Variants in CNTRL observed in about 807,000 individuals in gnomAD.
CNTRL encodes 110 kDa centrosomal protein.
A neutral mutation model predicts 303.7 loss-of-function variants in CNTRL; 233 were observed. That is an observed-to-expected ratio of 0.77 (90% confidence interval 0.69 to 0.86). The LOEUF (loss-of-function observed/expected upper bound fraction) is 0.86, where lower values mean the gene tolerates loss of function less well. CNTRL is among the 40% of genes least tolerant of loss of function. CNTRL has a pLI of 0.00. For missense variants in CNTRL, 2,524 were observed against 2,650.6 expected, an observed-to-expected ratio of 0.95 and a Z score of 1.05; for synonymous variants, 900 against 922.2, an observed-to-expected ratio of 0.98 and a Z score of 0.44.
chr9:121,115,765 GT>G (rs1450545491), intron 11 of CNTRL, among the ~76,000 whole-genome samples: 1 of 152,168 alleles, frequency 6.6e-6, no homozygotes, highest in Non-Finnish European at 1.5e-5. Flanking sequence ...AAAGGTTTTA[GT>G]TATTTGTAAC....
At chr9:121,131,672 G>T (rs1430827552) in intron 14 of CNTRL, among the ~76,000 whole-genome samples, 1 of 152,154 alleles carries the variant, frequency 6.6e-6, no homozygotes, top group African/African-American at 2.4e-5. Context: ...TGATCCTGTT[G>T]TTATGATGCT....
intron 12 of CNTRL, among the ~76,000 whole-genome samples, chr9:121,123,580 T>C (rs10733654): frequency 0.6 from 90,655 of 152,004 alleles, 29,241 homozygotes; most frequent in South Asian, 0.89. Flanking sequence ...GCCTGGGTGA[T>C]GGAGTCAGAC....
intron 12 of CNTRL, chr9:121,121,750 G>C: frequency 1.0e-6 from 1 of 984,880 alleles, no homozygotes; most frequent in Non-Finnish European, 1.2e-6. Context: ...CTGGTGATTG[G>C]ATGGGCGGGG....
intron 39 of CNTRL, 83 bp downstream of exon 39, chr9:121,169,899 A>T: frequency 8.9e-7 from 1 of 1,123,472 alleles, no homozygotes; most frequent in Non-Finnish European, 1.3e-6. Flanking sequence ...ACACAGAGAA[A>T]ATAAATTACC....
At chr9:121,079,178 G>A (rs2048044710) in intron 1 of CNTRL, among the ~76,000 whole-genome samples, 1 of 152,124 alleles carries the variant, frequency 6.6e-6, no homozygotes. Context: ...ATTACTAAAA[G>A]ACTTTTTTCC....
At chr9:121,170,815 A>G (rs1298708403) in intron 39 of CNTRL, among the ~76,000 whole-genome samples, 1 of 152,200 alleles carries the variant, frequency 6.6e-6, no homozygotes, top group East Asian at 1.9e-4. Context: ...TTTTTGGCCA[A>G]CATTAGCTTT....
chr9:121,173,213 AATG>A (rs2053381367), intron 40 of CNTRL, 27 bp from the exon 41 acceptor site: 2 of 1,577,652 alleles, frequency 1.3e-6, no homozygotes, highest in Admixed American at 1.9e-5. Flanking sequence ...AATTTTATAC[AATG>A]ATATTTGACA....
chr9:121,108,929 C>T (rs2049612581), intron 8 of CNTRL, among the ~76,000 whole-genome samples: 2 of 152,258 alleles, frequency 1.3e-5, no homozygotes, highest in South Asian at 4.1e-4. Context: ...GCTTCTTATA[C>T]AGTATACATG....
chr9:121,094,662 A>G (rs1347987601), intron 4 of CNTRL, among the ~76,000 whole-genome samples: 1 of 152,188 alleles, frequency 6.6e-6, no homozygotes, highest in South Asian at 2.1e-4. Context: ...TTCTTAGTAT[A>G]TAGACAATGT....
At chr9:121,096,340 C>A in intron 5 of CNTRL, 82 bp from the exon 6 acceptor site, 1 of 805,884 alleles carries the variant, frequency 1.2e-6, no homozygotes, top group Non-Finnish European at 1.7e-6. Flanking sequence ...TAACATGGAG[C>A]TAAAGCTGTT....
At chr9:121,087,168 G>T (rs1486415855) in intron 2 of CNTRL, among the ~76,000 whole-genome samples, 4 of 152,206 alleles carry the variant, frequency 2.6e-5, no homozygotes, top group African/African-American at 9.7e-5. Flanking sequence ...GCGATTGACT[G>T]AGTATGGGAC....
intron 15 of CNTRL, among the ~76,000 whole-genome samples, chr9:121,136,403 G>C (rs1180552830): frequency 6.6e-6 from 1 of 152,074 alleles, no homozygotes; most frequent in Non-Finnish European, 1.5e-5. Flanking sequence ...TCCGCCTCCT[G>C]GGTTCAAGTG....
chr9:121,168,079 G>T lies in CNTRL; in HGVS notation c.5845-17G>T. 6.3e-7 allele frequency: 1 copy of T among 1,599,544 alleles called. No individual in the cohort carries two copies. Among genetic ancestry groups the T allele is most frequent in the African/African-American group, 1.3e-5 (1 of 74,610 alleles). ...TATTTGTTGTTTAATGACTAATCAA[G>T]ATTATTCTTTATTAAGATGTTTCAG... On this transcript the variant is annotated splice_polypyrimidine_tract_variant and intron_variant, in intron 37 of 43. Transcript: ENST00000373855.
intron 34 of CNTRL, among the ~76,000 whole-genome samples, chr9:121,163,883 G>C (rs1251420816): frequency 1.6e-5 from 1 of 63,322 alleles, no homozygotes; most frequent in Non-Finnish European, 3.6e-5. Flanking sequence ...TTTTTTTTTT[G>C]AGATGGAGCC....
chr9:121,160,043 A>G, intron 31 of CNTRL, 100 bp from the exon 32 acceptor site: 1 of 910,254 alleles, frequency 1.1e-6, no homozygotes, highest in East Asian at 3.1e-5. Context: ...TTTCCAAATT[A>G]GAATTTCTAT....
intron 42 of CNTRL, among the ~76,000 whole-genome samples, chr9:121,174,083 G>A (rs1564310466): frequency 6.6e-6 from 1 of 152,218 alleles, no homozygotes; most frequent in Non-Finnish European, 1.5e-5. Flanking sequence ...AAAGATTTGG[G>A]ATACTGGAAA....
At chr9:121,168,841 G>C (rs1006809524) in intron 38 of CNTRL, among the ~76,000 whole-genome samples, 3 of 152,076 alleles carry the variant, frequency 2.0e-5, no homozygotes, top group Non-Finnish European at 2.9e-5. Context: ...TCTTTCTTAG[G>C]CTCCAGGGTT....
rs1415895882 is a variant in CNTRL at position 121,113,701 on chromosome 9, A to G, written c.1322A>G (p.Asp441Gly). The change falls in exon 10 of 44, where the codon GAC becomes GGC. Residue 441 changes from aspartate (D) to glycine (G), a missense_variant. By Grantham distance (94) the Asp-to-Gly change is moderately conservative. Transcript: ENST00000373855. The stretch of plus-strand genomic sequence containing the variant: ...ACACCACTGGACACGCAACTGGAAG[A>G]CAAAGAAAAAAAAATAAGTGCAGGT... ...GHTPLDTQLE[D>G]KEKKISAAQT... 3 of 1,537,826 alleles carry G rather than the reference A, an allele frequency of 2.0e-6. No individual in the cohort carries two copies. The highest frequency in any genetic ancestry group is 4.6e-5 in the East Asian group (2 of 43,296).
intron 7 of CNTRL, among the ~76,000 whole-genome samples, chr9:121,104,466 T>C (rs902597509): frequency 6.6e-6 from 1 of 152,058 alleles, no homozygotes; most frequent in Admixed American, 6.6e-5. Context: ...ATGGCACGTG[T>C]ATACATATGT....
Sources: gnomAD v4.1 joint callset for allele counts (sites outside exome capture counted in the v4.1 genomes callset) on GRCh38, gnomAD v4.1.1 for gene constraint, MANE v1.5 for transcripts, NCBI Gene and HGNC (gene_info 2026-07-23, HGNC 2026-07-21) for gene names.